Variants in UBE2E2 observed in about 807,000 individuals in gnomAD.
UBE2E2 encodes ubiquitin conjugating enzyme E2 E2.
Under a neutral mutation model 24.7 loss-of-function variants are expected in UBE2E2, and 6 were observed. The ratio of observed to expected loss-of-function variants is 0.24; its 90% confidence interval spans 0.13 to 0.48. UBE2E2 has a LOEUF of 0.48. Among genes scored for constraint, UBE2E2 ranks in the 20% least tolerant of loss-of-function variants. The pLI is 0.99. For missense variants in UBE2E2, 169 were observed against 245.0 expected, an observed-to-expected ratio of 0.69 and a Z score of 2.07; for synonymous variants, 104 against 83.6, an observed-to-expected ratio of 1.24 and a Z score of -1.33.
At chr3:23,229,402 A>G (rs1003369795) in intron 3 of UBE2E2, among the ~76,000 whole-genome samples, 3 of 152,126 alleles carry the variant, frequency 2.0e-5, no homozygotes, top group African/African-American at 7.2e-5. Flanking sequence ...CCTGAACAGT[A>G]TACACTGAAC....
chr3:23,264,865 G>C (rs1455551926), intron 3 of UBE2E2, among the ~76,000 whole-genome samples: 2 of 152,202 alleles, frequency 1.3e-5, no homozygotes, highest in African/African-American at 4.8e-5. Context: ...TCCAGGTTAA[G>C]TGATTGTCTT....
At chr3:23,570,177 C>T (rs907724788) in intron 5 of UBE2E2, among the ~76,000 whole-genome samples, 1 of 152,198 alleles carries the variant, frequency 6.6e-6, no homozygotes, top group African/African-American at 2.4e-5. Flanking sequence ...CAAGCCGTAA[C>T]TCCTTGCGGG....
chr3:23,390,793 T>C lies in UBE2E2; in HGVS notation c.228-108815T>C, dbSNP rs1210543102. Among the ~76,000 whole-genome samples the C allele has an allele frequency of 2.0e-5, 3 of 152,194 alleles. 1 individual carries two copies. Among genetic ancestry groups the C allele is most frequent in the Admixed American group, 2.0e-4 (3 of 15,276 alleles). On this transcript the variant is annotated intron_variant, in intron 3 of 5. Transcript: ENST00000396703. ...AAGCGAGCCATACCCCTGTTGCAAG[T>C]CCCACAAAGGGGTCAAGGGAACTCT...
chr3:23,582,552 C>G (rs1696507581), intron 5 of UBE2E2, among the ~76,000 whole-genome samples: 1 of 152,186 alleles, frequency 6.6e-6, no homozygotes, highest in African/African-American at 2.4e-5. Context: ...TTCTTCATAA[C>G]CTTTCCAGCA....
intron 3 of UBE2E2, among the ~76,000 whole-genome samples, chr3:23,342,887 CTTAAAG>C (rs1011830024): frequency 1.3e-5 from 2 of 151,822 alleles, no homozygotes; most frequent in African/African-American, 2.4e-5. Flanking sequence ...TGAAACCATT[CTTAAAG>C]TTAAAAGAAT....
intron 3 of UBE2E2, among the ~76,000 whole-genome samples, chr3:23,252,258 A>G (rs34259979): frequency 0.15 from 23,355 of 152,180 alleles, 2,080 homozygotes; most frequent in African/African-American, 0.24. Flanking sequence ...TGTTGCATCT[A>G]TGAACTATAC....
intron 3 of UBE2E2, among the ~76,000 whole-genome samples, chr3:23,258,172 G>A (rs563818183): frequency 2.3e-3 from 349 of 152,298 alleles, no homozygotes; most frequent in Admixed American, 4.2e-3. Context: ...TGAGCACACC[G>A]AAGGTAAGAT....
chr3:23,553,207 C>T (rs1286363646), intron 5 of UBE2E2, among the ~76,000 whole-genome samples: 1 of 151,928 alleles, frequency 6.6e-6, no homozygotes, highest in Admixed American at 6.6e-5. Context: ...CCAAAATGCT[C>T]TATATTTCCC....
At chr3:23,509,015 A>G (rs916435426) in intron 4 of UBE2E2, among the ~76,000 whole-genome samples, 1 of 152,180 alleles carries the variant, frequency 6.6e-6, no homozygotes, top group Non-Finnish European at 1.5e-5. Flanking sequence ...TTCTGAAGAG[A>G]GAAGGGTAGG....
At position 23,374,686 on chromosome 3, in the gene UBE2E2, T is replaced by C. The variant is rs545301810; in HGVS notation, c.228-124922T>C. 2.0e-5 allele frequency among the ~76,000 whole-genome samples: 3 copies of C among 152,346 alleles called. 1 individual carries two copies. The highest frequency in any genetic ancestry group is 7.2e-5 in the African/African-American group (3 of 41,596). ...CTTCCTACTGAAAACACCAGCCTGC[T>C]AACTACACCACAGTATACAAATCTG... On this transcript the variant is annotated intron_variant, in intron 3 of 5. Coordinates refer to ENST00000396703, the MANE Select transcript of UBE2E2 (RefSeq NM_152653.4).
intron 4 of UBE2E2, among the ~76,000 whole-genome samples, chr3:23,501,915 A>G (rs1699729680): frequency 6.6e-6 from 1 of 152,174 alleles, no homozygotes; most frequent in African/African-American, 2.4e-5. Flanking sequence ...TAAGGAGAAA[A>G]AAAAAAGCAA....
At chr3:23,333,822 T>A (rs556484625) in intron 3 of UBE2E2, among the ~76,000 whole-genome samples, 19 of 152,278 alleles carry the variant, frequency 1.2e-4, no homozygotes, top group African/African-American at 4.6e-4. Context: ...ATGAGAGATA[T>A]ATTAGTCATC....
intron 5 of UBE2E2, among the ~76,000 whole-genome samples, chr3:23,585,296 C>T (rs1305130560): frequency 6.7e-6 from 1 of 148,274 alleles, no homozygotes; most frequent in South Asian, 2.1e-4. Context: ...TGCTTGAGCC[C>T]AGGGGTCAAG....
intron 5 of UBE2E2, among the ~76,000 whole-genome samples, chr3:23,538,082 T>C (rs1486737426): frequency 6.6e-6 from 1 of 152,172 alleles, no homozygotes; most frequent in Non-Finnish European, 1.5e-5. Context: ...TCTACCTGTT[T>C]TCAAAGCAGA....
At chr3:23,218,510 A>G (rs1035011359) in intron 3 of UBE2E2, among the ~76,000 whole-genome samples, 25 of 152,102 alleles carry the variant, frequency 1.6e-4, no homozygotes, top group Non-Finnish European at 3.1e-4. Context: ...TAAACCTAAC[A>G]TCCTTTGTTT....
At chr3:23,560,066 A>AT (rs929942343) in intron 5 of UBE2E2, among the ~76,000 whole-genome samples, 1 of 151,874 alleles carries the variant, frequency 6.6e-6, no homozygotes. Context: ...GTATATATGT[A>AT]TTTTTTTATT....
At chr3:23,298,747 C>A (rs1364502592) in intron 3 of UBE2E2, among the ~76,000 whole-genome samples, 1 of 151,756 alleles carries the variant, frequency 6.6e-6, no homozygotes, top group Non-Finnish European at 1.5e-5. Context: ...GTCTAAAATT[C>A]TCTTTTTTGG....
Position 23,591,562 on chromosome 3 carries a change from C to G in UBE2E2, c.*1731C>G, listed in dbSNP as rs943528506. 8 of 152,176 alleles carry G rather than the reference C, an allele frequency of 5.3e-5. No individual in the cohort carries two copies. The highest frequency in any genetic ancestry group is 4.1e-4 in the South Asian group (2 of 4,824). The allele number at this position is 152,176 out of a possible 1,614,324, so 9.4% of individuals were successfully genotyped here. On this transcript the variant is annotated 3_prime_UTR_variant, in exon 6 of 6. Transcript: ENST00000396703. ...GCACTGTATGGTCTCTGATGCACTA[C>G]TCAACCCTCTAGTTGTAGTAGAGGG...
intron 2 of UBE2E2, among the ~76,000 whole-genome samples, chr3:23,215,106 T>C (rs886930032): frequency 6.6e-6 from 1 of 152,146 alleles, no homozygotes; most frequent in Admixed American, 6.6e-5. Context: ...ATATTTAAAC[T>C]TCTGTTTCTT....
Sources: gnomAD v4.1 joint callset for allele counts (sites outside exome capture counted in the v4.1 genomes callset) on GRCh38, gnomAD v4.1.1 for gene constraint, MANE v1.5 for transcripts, NCBI Gene and HGNC (gene_info 2026-07-23, HGNC 2026-07-21) for gene names.